Variants in HOOK3 observed in about 807,000 individuals in gnomAD.
HOOK3 encodes the protein hook microtubule tethering protein 3, also known as protein Hook homolog 3.
Under a neutral mutation model 116.3 loss-of-function variants are expected in HOOK3, and 24 were observed. The observed-to-expected ratio is 0.21, with a 90% CI of 0.15 to 0.29. The LOEUF (loss-of-function observed/expected upper bound fraction) is 0.29. Among genes scored for constraint, HOOK3 ranks in the 10% least tolerant of loss-of-function variants. HOOK3 has a pLI of 1.00. For synonymous variants in HOOK3, 275 were observed against 283.0 expected (o/e 0.97, Z 0.28); for missense variants, 632 against 830.2 (o/e 0.76, Z 2.93).
intron 14 of HOOK3, among the ~76,000 whole-genome samples, chr8:42,984,145 A>T (rs1809003735): frequency 6.6e-6 from 1 of 152,150 alleles, no homozygotes; most frequent in Non-Finnish European, 1.5e-5. Context: ...AAGTGGGTGG[A>T]TCACCTGAGG....
intron 1 of HOOK3, among the ~76,000 whole-genome samples, chr8:42,898,428 A>G (rs1807102716): frequency 6.6e-6 from 1 of 152,174 alleles, no homozygotes; most frequent in Non-Finnish European, 1.5e-5. Context: ...TCACTGCTGT[A>G]TTTCAGAAAA....
Position 43,023,184 on chromosome 8 carries a change from C to CTGT in HOOK3, c.*4686_*4687insTGT, listed in dbSNP as rs1264565637. ...TTGTGCCACTGCACTCCAGCCTGGG[C>CTGT]CACAGAGTGAGACTCCATCTCAAAA... is the stretch of plus-strand genomic sequence containing the variant. On this transcript the variant is annotated 3_prime_UTR_variant, in exon 22 of 22. Coordinates refer to ENST00000307602, the MANE Select transcript of HOOK3 (RefSeq NM_032410.4). The CTGT allele has an allele frequency of 7.3e-6, 1 of 136,722 alleles. No individual in the cohort carries two copies. Among genetic ancestry groups the CTGT allele is most frequent in the African/African-American group, 2.8e-5 (1 of 36,332 alleles). The allele number at this position is 136,722 out of a possible 1,614,324, so 8.5% of individuals were successfully genotyped here.
chr8:42,943,251 GT>G (rs373167898), intron 4 of HOOK3, 61 bp from the exon 5 acceptor site: 63,420 of 846,038 alleles, frequency 0.075, 1 homozygote, highest in East Asian at 0.081. Context: ...CCTCGATCAA[GT>G]TTTTTTTTTT....
chr8:42,928,026 T>C (rs117302785), intron 3 of HOOK3, among the ~76,000 whole-genome samples: 1,567 of 152,300 alleles, frequency 0.01, 10 homozygotes, highest in East Asian at 0.028. Context: ...GTCATGTCTG[T>C]AATCCCAGCA....
At position 43,026,752 on chromosome 8, in the gene HOOK3, A is replaced by T. The variant is rs1339937890; in HGVS notation, c.*8254A>T. 1 of 228,356 alleles carries T rather than the reference A, an allele frequency of 4.4e-6. No individual in the cohort carries two copies. The highest frequency in any genetic ancestry group is 2.2e-5 in the African/African-American group (1 of 45,088). 14.1% of individuals were successfully genotyped at this position (228,356 alleles called of 1,614,324 possible). A position where few individuals can be genotyped will look rare whatever the true frequency, so the allele number is the denominator to read the frequency against. On this transcript the variant is annotated 3_prime_UTR_variant, in exon 22 of 22. Coordinates refer to ENST00000307602, the MANE Select transcript of HOOK3 (RefSeq NM_032410.4). ...GGAAAGCCAAGTTCTGGGAGCTGTC[A>T]AGTCGGAGGATCAGGAAAATGGTGG...
chr8:42,914,715 G>T (rs181851705), intron 2 of HOOK3, among the ~76,000 whole-genome samples: 142 of 152,264 alleles, frequency 9.3e-4, no homozygotes, highest in African/African-American at 3.2e-3. Flanking sequence ...ATCTACTCAA[G>T]ATCATCACTT....
rs564275038 is a variant in HOOK3 at position 43,019,099 on chromosome 8, A to G, written c.*601A>G. On this transcript the variant is annotated 3_prime_UTR_variant, in exon 22 of 22. Coordinates refer to ENST00000307602, the MANE Select transcript of HOOK3 (RefSeq NM_032410.4). ...ATTTGAGGAAAAAATGAGTTTTCAC[A>G]TTGTTTTATAGGAAATTAAATTTGT... is the stretch of plus-strand genomic sequence containing the variant. 5.7e-4 allele frequency: 119 copies of G among 207,860 alleles called. No homozygotes were observed. The highest frequency in any genetic ancestry group is 2.2e-3 in the African/African-American group (96 of 44,184). The allele number at this position is 207,860 out of a possible 1,614,324, so 12.9% of individuals were successfully genotyped here. A position where few individuals can be genotyped will look rare whatever the true frequency, so the allele number is the denominator to read the frequency against.
intron 19 of HOOK3, among the ~76,000 whole-genome samples, chr8:43,012,634 C>G (rs1816201660): frequency 6.6e-6 from 1 of 152,144 alleles, no homozygotes; most frequent in South Asian, 2.1e-4. Flanking sequence ...GATTCTTGCT[C>G]TGTTGCCCAG....
At chr8:42,954,695 A>G (rs1018735032) in intron 6 of HOOK3, among the ~76,000 whole-genome samples, 1 of 152,244 alleles carries the variant, frequency 6.6e-6, no homozygotes, top group Non-Finnish European at 1.5e-5. Context: ...CACTGTAGTC[A>G]GCACTAGGGA....
intron 8 of HOOK3, among the ~76,000 whole-genome samples, chr8:42,959,876 G>T (rs1808505719): frequency 6.6e-6 from 1 of 152,082 alleles, no homozygotes; most frequent in South Asian, 2.1e-4. Flanking sequence ...GCCATGTTTT[G>T]ATACTTGTTA....
chr8:42,897,315 C>T (rs1251076815), intron 1 of HOOK3, 127 bp downstream of exon 1: 10 of 418,492 alleles, frequency 2.4e-5, no homozygotes, highest in African/African-American at 1.5e-4. Flanking sequence ...CTGGGGCGGG[C>T]GGGGCGAGGA....
chr8:42,904,682 A>G (rs1807268078), intron 1 of HOOK3, among the ~76,000 whole-genome samples: 1 of 152,154 alleles, frequency 6.6e-6, no homozygotes, highest in African/African-American at 2.4e-5. Context: ...TACTTTATTC[A>G]TAGAATAAGG....
At chr8:42,986,825 T>C in intron 15 of HOOK3, 30 bp downstream of exon 15, 1 of 1,604,644 alleles carries the variant, frequency 6.2e-7, no homozygotes, top group South Asian at 1.1e-5. Flanking sequence ...CGCATCTGGC[T>C]ATAAGTTTTC....
At chr8:42,912,743 C>A (rs1005216423) in intron 2 of HOOK3, among the ~76,000 whole-genome samples, 1 of 152,162 alleles carries the variant, frequency 6.6e-6, no homozygotes, top group African/African-American at 2.4e-5. Context: ...ATAGATAAAC[C>A]AGCACTGGCA....
chr8:43,004,691 A>C lies in HOOK3; in HGVS notation c.1655+2550A>C, dbSNP rs1173060597. Among the ~76,000 whole-genome samples, 10 of 151,654 alleles carry C rather than the reference A, an allele frequency of 6.6e-5. No individual in the cohort carries two copies. In the East Asian group the frequency reaches 1.7e-3, roughly 26 times the overall value. Reference sequence around the variant, plus strand: ...GCAAGACTCCATCTAAAAAAAAAAAAAAAAAAAAAAACTACAATGGAGACC... The same window carrying C: ...GCAAGACTCCATCTAAAAAAAAAAACAAAAAAAAAAACTACAATGGAGACC... On this transcript the variant is annotated intron_variant, in intron 17 of 21. Coordinates refer to ENST00000307602, the MANE Select transcript of HOOK3 (RefSeq NM_032410.4).
intron 13 of HOOK3, among the ~76,000 whole-genome samples, chr8:42,981,268 G>A (rs2130444503): frequency 6.6e-6 from 1 of 151,784 alleles, no homozygotes; most frequent in Admixed American, 6.6e-5. Flanking sequence ...GTTCAGGCTG[G>A]TCTCGAGCTC....
At chr8:42,928,941 C>A (rs1423401014) in intron 3 of HOOK3, among the ~76,000 whole-genome samples, 2 of 152,146 alleles carry the variant, frequency 1.3e-5, no homozygotes, top group African/African-American at 2.4e-5. Flanking sequence ...ACTCAGAAAG[C>A]TGAGGCACGA....
At position 42,974,256 on chromosome 8, in the gene HOOK3, C is replaced by T. The variant is rs111973897; in HGVS notation, c.1321+62C>T. Reference sequence around the variant, plus strand: ...TTTTTTTTTTGAGACGGGAGTTTCACTCTTATTGCCCAGGCTGGAGTGCAA... The same window carrying T: ...TTTTTTTTTTGAGACGGGAGTTTCATTCTTATTGCCCAGGCTGGAGTGCAA... On this transcript the variant is annotated intron_variant, in intron 13 of 21. Coordinates refer to ENST00000307602, the MANE Select transcript of HOOK3 (RefSeq NM_032410.4). 4.6e-5 allele frequency: 56 copies of T among 1,216,330 alleles called. 1 individual carries two copies. The African/African-American group carries it at 5.4e-4, about 12-fold the overall frequency. 75.3% of individuals were successfully genotyped at this position (1,216,330 alleles called of 1,614,324 possible).
intron 8 of HOOK3, among the ~76,000 whole-genome samples, chr8:42,962,021 C>T (rs1053439608): frequency 6.6e-5 from 10 of 151,950 alleles, no homozygotes; most frequent in South Asian, 2.1e-4. Flanking sequence ...TCCTGAGCTC[C>T]GGTGATCTGC....
Sources: gnomAD v4.1 joint callset for allele counts (sites outside exome capture counted in the v4.1 genomes callset) on GRCh38, gnomAD v4.1.1 for gene constraint, MANE v1.5 for transcripts, NCBI Gene and HGNC (gene_info 2026-07-23, HGNC 2026-07-21) for gene names.